The following MAGI2 variants were observed in gnomAD, a reference collection of about 807,000 sequenced individuals.
The protein encoded by MAGI2 is membrane associated guanylate kinase, WW and PDZ domain containing 2.
In MAGI2, 35 loss-of-function variants were observed where a neutral mutation model predicts 133.3. The ratio of observed to expected loss-of-function variants is 0.26; its 90% CI spans 0.20 to 0.35. The LOEUF (loss-of-function observed/expected upper bound fraction) is 0.35. Among genes scored for constraint, MAGI2 ranks in the 10% least tolerant of loss-of-function variants. MAGI2 has a pLI of 1.00. For missense variants in MAGI2, 1,636 were observed against 1,863.4 expected (o/e 0.88, Z 2.25); for synonymous variants, 729 against 710.6 (o/e 1.03, Z -0.41).
chr7:79,093,719 T>C (rs555026923), intron 1 of MAGI2, among the ~76,000 whole-genome samples: 95 of 147,328 alleles, frequency 6.4e-4, no homozygotes, highest in African/African-American at 2.2e-3. Context: ...CTTTTCTTTT[T>C]TTTTTTTTTT....
chr7:78,307,234 A>G (rs1798315779), intron 9 of MAGI2, among the ~76,000 whole-genome samples: 1 of 152,190 alleles, frequency 6.6e-6, no homozygotes, highest in African/African-American at 2.4e-5. Flanking sequence ...AAAGTATTTT[A>G]CATATTTTCA....
chr7:78,573,074 T>TACAC (rs1358230117), intron 3 of MAGI2, among the ~76,000 whole-genome samples: 3 of 75,470 alleles, frequency 4.0e-5, no homozygotes, highest in Non-Finnish European at 7.0e-5. Context: ...TATATATATA[T>TACAC]ATACACACAC....
intron 2 of MAGI2, among the ~76,000 whole-genome samples, chr7:78,888,615 A>G (rs1237275353): frequency 6.6e-6 from 1 of 152,214 alleles, no homozygotes; most frequent in Non-Finnish European, 1.5e-5. Context: ...ACCCATGCAA[A>G]CAGGGTCTGG....
At chr7:79,103,744 G>A (rs1818192638) in intron 1 of MAGI2, among the ~76,000 whole-genome samples, 1 of 151,866 alleles carries the variant, frequency 6.6e-6, no homozygotes, top group South Asian at 2.1e-4. Context: ...CTGTCGCCCA[G>A]CCTGGAGTGC....
intron 20 of MAGI2, among the ~76,000 whole-genome samples, chr7:78,088,175 T>C (rs1311208613): frequency 6.6e-6 from 1 of 152,234 alleles, no homozygotes; most frequent in Non-Finnish European, 1.5e-5. Context: ...GGGATTATTA[T>C]TATGTATACT....
At chr7:78,729,729 G>A (rs560473983) in intron 2 of MAGI2, among the ~76,000 whole-genome samples, 2 of 152,240 alleles carry the variant, frequency 1.3e-5, no homozygotes, top group East Asian at 3.9e-4. Context: ...TTGAGCCATA[G>A]GACTCCTTTT....
In MAGI2 at chr7:78,345,676, A is replaced by G. The variant is rs1282430968; in HGVS notation, c.1225+246T>C. 28 of 448,872 alleles carry G rather than the reference A, an allele frequency of 6.2e-5. 1 individual carries two copies. In the East Asian group the frequency reaches 1.1e-3, roughly 17 times the overall value. The allele number at this position is 448,872 out of a possible 1,614,324, so 27.8% of individuals were successfully genotyped here. On this transcript the variant is annotated intron_variant, in intron 8 of 21. Coordinates refer to ENST00000354212, the MANE Select transcript of MAGI2 (RefSeq NM_012301.4). ...GTTTACAGTGCCACTATAAAAATCCATTAATCTCCACGTGGTGACATGCTG... is the reference window on the plus strand; with the variant it reads ...GTTTACAGTGCCACTATAAAAATCCGTTAATCTCCACGTGGTGACATGCTG...
At chr7:78,963,973 G>A (rs1046333380) in intron 2 of MAGI2, among the ~76,000 whole-genome samples, 3 of 151,988 alleles carry the variant, frequency 2.0e-5, no homozygotes, top group African/African-American at 4.8e-5. Flanking sequence ...GAGATTATGA[G>A]TCTGTTTGGG....
At chr7:79,328,808 A>T (rs1040158696) in intron 1 of MAGI2, among the ~76,000 whole-genome samples, 2 of 152,336 alleles carry the variant, frequency 1.3e-5, no homozygotes, top group Admixed American at 6.5e-5. Flanking sequence ...TCTTGTGCTT[A>T]AACCATCCAG....
At chr7:78,597,361 T>G (rs1804719185) in intron 3 of MAGI2, among the ~76,000 whole-genome samples, 2 of 112,386 alleles carry the variant, frequency 1.8e-5, no homozygotes, top group Admixed American at 1.8e-4. Context: ...AACAGTAAAA[T>G]AAATGAATTC....
At chr7:78,504,166 G>A (rs1410871434) in intron 4 of MAGI2, among the ~76,000 whole-genome samples, 2 of 152,144 alleles carry the variant, frequency 1.3e-5, no homozygotes, top group African/African-American at 4.8e-5. Context: ...GTGGAGAAAA[G>A]GTAGGAAAAT....
chr7:79,449,898 A>ATATATATATATAT (rs1392951061), intron 1 of MAGI2, among the ~76,000 whole-genome samples: 7 of 141,112 alleles, frequency 5.0e-5, no homozygotes, highest in Non-Finnish European at 6.2e-5. Flanking sequence ...ATATATATAT[A>ATATATATATATAT]ATGTCTTAAA....
At chr7:79,257,004 G>T (rs1436780773) in intron 1 of MAGI2, among the ~76,000 whole-genome samples, 2 of 152,038 alleles carry the variant, frequency 1.3e-5, no homozygotes, top group African/African-American at 4.8e-5. Context: ...TATTGACAAT[G>T]TATTGCTGAA....
At chr7:78,212,619 T>C (rs1787879044) in intron 10 of MAGI2, among the ~76,000 whole-genome samples, 1 of 152,160 alleles carries the variant, frequency 6.6e-6, no homozygotes, top group Non-Finnish European at 1.5e-5. Flanking sequence ...ATAAGGTCAG[T>C]TTATATTGTT....
chr7:78,731,653 A>G (rs1399567973), intron 2 of MAGI2, among the ~76,000 whole-genome samples: 2 of 152,198 alleles, frequency 1.3e-5, no homozygotes, highest in African/African-American at 4.8e-5. Flanking sequence ...TTCTTACTAA[A>G]GAATGTACTT....
chr7:78,238,585 C>T (rs1407224373), intron 10 of MAGI2, among the ~76,000 whole-genome samples: 1 of 152,024 alleles, frequency 6.6e-6, no homozygotes, highest in African/African-American at 2.4e-5. Context: ...CCATCATGTC[C>T]ATCAGTAAAT....
At chr7:78,267,254 G>T (rs1794111790) in intron 9 of MAGI2, among the ~76,000 whole-genome samples, 1 of 152,170 alleles carries the variant, frequency 6.6e-6, no homozygotes, top group Non-Finnish European at 1.5e-5. Flanking sequence ...CTCCCATATG[G>T]ATTTCAGAAG....
intron 1 of MAGI2, among the ~76,000 whole-genome samples, chr7:79,039,855 TTA>T (rs901795545): frequency 2.0e-3 from 292 of 142,892 alleles, no homozygotes; most frequent in Middle Eastern, 7.4e-3. Context: ...TACATATATA[TTA>T]TATATATATA....
chr7:79,230,040 G>T (rs546816555), intron 1 of MAGI2, among the ~76,000 whole-genome samples: 44 of 147,390 alleles, frequency 3.0e-4, no homozygotes, highest in African/African-American at 9.0e-4. Context: ...AGAATATGCG[G>T]TGTTTGGTTT....
Sources: allele counts gnomAD v4.1 joint callset (sites outside exome capture counted in the v4.1 genomes callset), GRCh38; gene constraint gnomAD v4.1.1; transcripts MANE v1.5; gene names NCBI Gene and HGNC (gene_info 2026-07-23, HGNC 2026-07-21).